The following JAKMIP2 variants were observed in gnomAD, a reference collection of about 807,000 sequenced individuals.
JAKMIP2 encodes janus kinase and microtubule interacting protein 2, also known as janus kinase and microtubule-interacting protein 2.
In JAKMIP2, 25 loss-of-function variants were observed where a neutral mutation model predicts 115.0. The ratio of observed to expected loss-of-function variants is 0.22; its 90% CI spans 0.16 to 0.30. The LOEUF is 0.30. Ranked by LOEUF, JAKMIP2 falls within the 10% of genes least tolerant of loss-of-function variation. The pLI is 1.00. For missense variants in JAKMIP2, 642 were observed against 957.6 expected, an observed-to-expected ratio of 0.67 and a Z score of 4.35; for synonymous variants, 334 against 343.6, an observed-to-expected ratio of 0.97 and a Z score of 0.31.
intron 1 of JAKMIP2, 43 bp downstream of exon 1, chr5:147,782,413 A>G: frequency 2.0e-6 from 3 of 1,532,534 alleles, no homozygotes; most frequent in Non-Finnish European, 1.7e-6. Context: ...GTCAAATAAG[A>G]ACACTCTAAA....
chr5:147,605,839 G>C (rs903852853), intron 20 of JAKMIP2, among the ~76,000 whole-genome samples: 2 of 152,114 alleles, frequency 1.3e-5, no homozygotes, highest in Non-Finnish European at 2.9e-5. Context: ...ATCCTCTCCA[G>C]CATCTATTGT....
intron 1 of JAKMIP2, among the ~76,000 whole-genome samples, chr5:147,747,795 T>C (rs1561574058): frequency 6.6e-6 from 1 of 152,216 alleles, no homozygotes; most frequent in Non-Finnish European, 1.5e-5. Context: ...TCTAGCCAAA[T>C]TGAACTCCCA....
intron 1 of JAKMIP2, among the ~76,000 whole-genome samples, chr5:147,744,925 G>T (rs1371743459): frequency 6.6e-6 from 1 of 151,996 alleles, no homozygotes; most frequent in East Asian, 1.9e-4. Context: ...GGGCATGGTG[G>T]TGCGTGCCTG....
chr5:147,755,675 G>A (rs778997186), intron 1 of JAKMIP2, among the ~76,000 whole-genome samples: 2 of 152,050 alleles, frequency 1.3e-5, no homozygotes, highest in Admixed American at 1.3e-4. Context: ...ATAGGATCTC[G>A]TTATGTTGCC....
In JAKMIP2 at chr5:147,591,653, T is replaced by A; in HGVS notation, c.*54A>T. 4.4e-6 allele frequency: 7 copies of A among 1,594,898 alleles called. No homozygotes were observed. Among genetic ancestry groups the A allele is most frequent in the Non-Finnish European group, 6.0e-6 (7 of 1,166,292 alleles). On this transcript the variant is annotated 3_prime_UTR_variant, in exon 22 of 22. Transcript: ENST00000616793. Reference sequence around the variant, plus strand: ...ATCTTTGAAGGTTTAGAAGCACTTGTCTTCCTGGGATCTTATCCATGTTTT... The same window carrying A: ...ATCTTTGAAGGTTTAGAAGCACTTGACTTCCTGGGATCTTATCCATGTTTT...
At chr5:147,605,451 C>T (rs557948404) in intron 20 of JAKMIP2, among the ~76,000 whole-genome samples, 45 of 152,140 alleles carry the variant, frequency 3.0e-4, no homozygotes, top group Middle Eastern at 3.4e-3. Context: ...CCTGGTGATC[C>T]GCCCACCTCG....
chr5:147,752,047 C>T (rs1754578976), intron 1 of JAKMIP2, among the ~76,000 whole-genome samples: 1 of 152,026 alleles, frequency 6.6e-6, no homozygotes, highest in Non-Finnish European at 1.5e-5. Context: ...GGGAGTACTA[C>T]AGAAAAGAAC....
At chr5:147,627,985 A>G (rs1189878696) in intron 16 of JAKMIP2, among the ~76,000 whole-genome samples, 1 of 149,362 alleles carries the variant, frequency 6.7e-6, no homozygotes, top group African/African-American at 2.5e-5. Flanking sequence ...CCATGTGCAC[A>G]TGACTCTCAA....
chr5:147,686,730 T>A (rs971931587), intron 1 of JAKMIP2, among the ~76,000 whole-genome samples: 1 of 152,224 alleles, frequency 6.6e-6, no homozygotes, highest in Admixed American at 6.5e-5. Context: ...GTAAACCTAA[T>A]GATGTTTTAT....
chr5:147,753,952 A>C (rs1046654195), intron 1 of JAKMIP2, among the ~76,000 whole-genome samples: 2 of 152,134 alleles, frequency 1.3e-5, no homozygotes, highest in African/African-American at 4.8e-5. Context: ...CTGAGTGGCT[A>C]ATGAATTCCT....
intron 12 of JAKMIP2, among the ~76,000 whole-genome samples, chr5:147,634,852 C>T (rs1757536843): frequency 6.6e-6 from 1 of 152,120 alleles, no homozygotes; most frequent in African/African-American, 2.4e-5. Context: ...GCTTACCAGC[C>T]AGGATGTTGT....
At position 147,671,965 on chromosome 5, in the gene JAKMIP2, G is replaced by A; in HGVS notation, c.-148-11C>T. The A allele has an allele frequency of 7.8e-7, 1 of 1,281,244 alleles. No individual in the cohort carries two copies. Among genetic ancestry groups the A allele is most frequent in the Non-Finnish European group, 9.9e-7 (1 of 1,010,804 alleles). 79.4% of individuals were successfully genotyped at this position (1,281,244 alleles called of 1,614,324 possible). A position where few individuals can be genotyped will look rare whatever the true frequency, so the allele number is the denominator to read the frequency against. ...GCTGCCCTGGAAGCCCTGAGAAGAGGCAGAGATAGTAGTTATTGTTTTGGC... is the reference window on the plus strand; with the variant it reads ...GCTGCCCTGGAAGCCCTGAGAAGAGACAGAGATAGTAGTTATTGTTTTGGC... On this transcript the variant is annotated splice_polypyrimidine_tract_variant and intron_variant, in intron 1 of 21. Coordinates refer to ENST00000616793, the MANE Select transcript of JAKMIP2 (RefSeq NM_001270941.2).
In JAKMIP2 at chr5:147,782,658, G is replaced by A; in HGVS notation, c.-351C>T. 2 of 674,360 alleles carry A rather than the reference G, an allele frequency of 3.0e-6. No homozygotes were observed. Among genetic ancestry groups the A allele is most frequent in the South Asian group, 3.1e-5 (2 of 64,520 alleles). The allele number at this position is 674,360 out of a possible 1,614,324, so 41.8% of individuals were successfully genotyped here. ...CTAGAGTATCAGCAATAGAGGCGGC[G>A]GCGGCGGCAGCAGCAGCAGCAGCAG... On this transcript the variant is annotated 5_prime_UTR_variant, in exon 1 of 22. Transcript: ENST00000616793.
At chr5:147,665,056 G>C (rs1233039863) in intron 2 of JAKMIP2, among the ~76,000 whole-genome samples, 1 of 152,086 alleles carries the variant, frequency 6.6e-6, no homozygotes, top group East Asian at 1.9e-4. Context: ...GCTTCAATAA[G>C]GACAATCTAG....
At chr5:147,693,513 T>A (rs780258175) in intron 1 of JAKMIP2, among the ~76,000 whole-genome samples, 5 of 151,984 alleles carry the variant, frequency 3.3e-5, no homozygotes, top group Non-Finnish European at 7.4e-5. Context: ...CAGACAGCAA[T>A]GAACAAAATA....
Position 147,589,393 on chromosome 5 carries a change from G to A in JAKMIP2, c.*2314C>T, listed in dbSNP as rs1755011797. The A allele has an allele frequency of 6.6e-6, 1 of 150,598 alleles. No homozygotes were observed. Among genetic ancestry groups the A allele is most frequent in the Admixed American group, 6.7e-5 (1 of 15,028 alleles). 9.3% of individuals were successfully genotyped at this position (150,598 alleles called of 1,614,324 possible). A position where few individuals can be genotyped will look rare whatever the true frequency, so the allele number is the denominator to read the frequency against. ...ATCCAGGAGGTGGAGCTTGCCATGA[G>A]CCGAGATTGTGCCAATGCACTCCAG... On this transcript the variant is annotated 3_prime_UTR_variant, in exon 22 of 22. Transcript: ENST00000616793.
At chr5:147,618,180 T>C in intron 18 of JAKMIP2, 66 bp from the exon 19 acceptor site, 1 of 1,171,548 alleles carries the variant, frequency 8.5e-7, no homozygotes, top group South Asian at 1.2e-5. Context: ...TGGGAGTGTA[T>C]GCTATGTATG....
intron 19 of JAKMIP2, among the ~76,000 whole-genome samples, chr5:147,614,855 C>G (rs1439017742): frequency 6.6e-6 from 1 of 152,184 alleles, no homozygotes; most frequent in Non-Finnish European, 1.5e-5. Context: ...CAAACTTATT[C>G]CCATGATAGG....
rs1451643186 is a variant in JAKMIP2 at position 147,588,137 on chromosome 5, T to TA, written c.*3569_*3570insT. ...TTTAGTAATAGATGCTTTTTAAGTATGATAGTCAAAGATAGTCTCTCTATG... is the reference window on the plus strand; with the variant it reads ...TTTAGTAATAGATGCTTTTTAAGTATAGATAGTCAAAGATAGTCTCTCTATG... On this transcript the variant is annotated 3_prime_UTR_variant, in exon 22 of 22. Coordinates refer to ENST00000616793, the MANE Select transcript of JAKMIP2 (RefSeq NM_001270941.2). The TA allele has an allele frequency of 7.2e-5, 11 of 152,188 alleles. 1 individual carries two copies. The East Asian group carries it at 1.9e-3, about 27-fold the overall frequency. The allele number at this position is 152,188 out of a possible 1,614,324, so 9.4% of individuals were successfully genotyped here.
Sources: allele counts gnomAD v4.1 joint callset (sites outside exome capture counted in the v4.1 genomes callset), GRCh38; gene constraint gnomAD v4.1.1; transcripts MANE v1.5; gene names NCBI Gene and HGNC (gene_info 2026-07-23, HGNC 2026-07-21).